Variants in KCND2 observed in about 807,000 individuals in gnomAD.
The protein encoded by KCND2 is potassium voltage-gated channel subfamily D member 2.
KCND2 carries 16 observed loss-of-function variants against 54.4 expected under a neutral mutation model. The observed-to-expected ratio is 0.29, with a 90% CI of 0.20 to 0.45. KCND2 has a LOEUF of 0.45. Ranked by LOEUF, KCND2 falls within the 20% of genes least tolerant of loss-of-function variation. The pLI is 1.00. For missense variants in KCND2, 486 were observed against 824.2 expected (o/e 0.59, Z 5.02); for synonymous variants, 317 against 310.7 (o/e 1.02, Z -0.21).
At chr7:120,687,573 T>C (rs1792219492) in intron 1 of KCND2, among the ~76,000 whole-genome samples, 1 of 152,066 alleles carries the variant, frequency 6.6e-6, no homozygotes, top group African/African-American at 2.4e-5. Flanking sequence ...CCCAGCACTT[T>C]GGGAGGCTGA....
chr7:120,527,592 C>T (rs1562864365), intron 1 of KCND2, among the ~76,000 whole-genome samples: 1 of 151,984 alleles, frequency 6.6e-6, no homozygotes, highest in East Asian at 1.9e-4. Context: ...TCCTGCTGCT[C>T]GTTCATGATT....
intron 1 of KCND2, among the ~76,000 whole-genome samples, chr7:120,335,856 A>G (rs900368740): frequency 2.0e-5 from 3 of 152,208 alleles, no homozygotes; most frequent in South Asian, 4.1e-4. Context: ...GCCATTTACA[A>G]GTAAAACTTC....
intron 1 of KCND2, among the ~76,000 whole-genome samples, chr7:120,533,898 G>GTT (rs1791871702): frequency 1.3e-5 from 2 of 152,266 alleles, no homozygotes; most frequent in Non-Finnish European, 2.9e-5. Flanking sequence ...AGGATTGATA[G>GTT]TTATCCCATC....
intron 1 of KCND2, among the ~76,000 whole-genome samples, chr7:120,418,784 A>G (rs1214279493): frequency 6.6e-6 from 1 of 152,202 alleles, no homozygotes; most frequent in Non-Finnish European, 1.5e-5. Context: ...AATGCCATGT[A>G]GCCCTCATCC....
intron 1 of KCND2, among the ~76,000 whole-genome samples, chr7:120,339,823 G>T (rs993560137): frequency 1.3e-5 from 2 of 152,302 alleles, no homozygotes; most frequent in Non-Finnish European, 2.9e-5. Context: ...TGGCCTCAGT[G>T]AGAAAGTGGC....
At chr7:120,484,302 C>A (rs1001933875) in intron 1 of KCND2, among the ~76,000 whole-genome samples, 3 of 152,002 alleles carry the variant, frequency 2.0e-5, no homozygotes, top group African/African-American at 7.2e-5. Context: ...ACTACAGGTG[C>A]ATGACACTGT....
chr7:120,365,863 CAT>C lies in KCND2; in HGVS notation c.1115+90118_1115+90119del, dbSNP rs1196200232. Among the ~76,000 whole-genome samples, 4 of 151,898 alleles carry C rather than the reference CAT, an allele frequency of 2.6e-5. No homozygotes were observed. The East Asian group carries it at 7.8e-4, about 29-fold the overall frequency. ...ATGTTCAGGTAAGTAATTAAAACAA[CAT>C]AAATATAACTGAAAAATGTTGAAAC... On this transcript the variant is annotated intron_variant, in intron 1 of 5. Transcript: ENST00000331113.
chr7:120,317,908 A>G lies in KCND2; in HGVS notation c.1115+42161A>G, dbSNP rs756367253. ...AATTAGTTTTGTGAAAAACTTTAAG[A>G]TACACAATCTTCCTGCAGTCAGCCT... On this transcript the variant is annotated intron_variant, in intron 1 of 5. Coordinates refer to ENST00000331113, the MANE Select transcript of KCND2 (RefSeq NM_012281.3). 2.6e-5 allele frequency among the ~76,000 whole-genome samples: 4 copies of G among 152,292 alleles called. No individual in the cohort carries two copies. In the South Asian group the frequency reaches 8.3e-4, roughly 32 times the overall value.
At chr7:120,588,402 A>AGTGTGTGTGTGTGTGTGTGT (rs3993713) in intron 1 of KCND2, among the ~76,000 whole-genome samples, 95 of 141,402 alleles carry the variant, frequency 6.7e-4, no homozygotes, top group Middle Eastern at 3.5e-3. Flanking sequence ...GCAACTGTGC[A>AGTGTGTGTGTGTGTGTGTGT]GTGTGTGTGT....
chr7:120,453,481 C>T (rs1802147456), intron 1 of KCND2, among the ~76,000 whole-genome samples: 1 of 152,222 alleles, frequency 6.6e-6, no homozygotes, highest in South Asian at 2.1e-4. Context: ...CAATCCTGCA[C>T]TGCCACTGCC....
intron 1 of KCND2, among the ~76,000 whole-genome samples, chr7:120,473,310 A>G (rs1245393396): frequency 6.6e-6 from 1 of 152,232 alleles, no homozygotes; most frequent in African/African-American, 2.4e-5. Flanking sequence ...CACAGCGCTC[A>G]TCGTCACTCT....
intron 1 of KCND2, among the ~76,000 whole-genome samples, chr7:120,360,238 C>T (rs1800574155): frequency 6.6e-6 from 1 of 152,006 alleles, no homozygotes; most frequent in African/African-American, 2.4e-5. Flanking sequence ...ACCGAGTGCT[C>T]TTATAGGTTT....
intron 1 of KCND2, among the ~76,000 whole-genome samples, chr7:120,622,156 C>T (rs2116501920): frequency 6.6e-6 from 1 of 152,180 alleles, no homozygotes; most frequent in Admixed American, 6.5e-5. Context: ...TAGTCCTCTA[C>T]TTAGGCAAAT....
chr7:120,667,962 G>GA (rs1041354845), intron 1 of KCND2, among the ~76,000 whole-genome samples: 4 of 151,110 alleles, frequency 2.6e-5, no homozygotes, highest in Non-Finnish European at 3.0e-5. Context: ...CCAGAAGCCA[G>GA]AAAAAAAAGA....
chr7:120,341,986 C>T (rs1800246318), intron 1 of KCND2, among the ~76,000 whole-genome samples: 2 of 152,010 alleles, frequency 1.3e-5, no homozygotes, highest in African/African-American at 4.8e-5. Context: ...CAATGTGATC[C>T]CATCTCATGT....
chr7:120,658,972 A>G (rs538956488), intron 1 of KCND2, among the ~76,000 whole-genome samples: 1 of 152,340 alleles, frequency 6.6e-6, no homozygotes, highest in African/African-American at 2.4e-5. Context: ...CCTAGGAGAG[A>G]TAAAGTATAT....
chr7:120,327,134 G>A (rs1799989583), intron 1 of KCND2, among the ~76,000 whole-genome samples: 1 of 152,042 alleles, frequency 6.6e-6, no homozygotes, highest in Admixed American at 6.6e-5. Context: ...ATCAACAAGA[G>A]AAAAGATTTT....
intron 1 of KCND2, among the ~76,000 whole-genome samples, chr7:120,680,719 G>A (rs1792128773): frequency 6.6e-6 from 1 of 152,044 alleles, no homozygotes; most frequent in African/African-American, 2.4e-5. Context: ...TAGTATATAA[G>A]CTCTTTGGGA....
intron 1 of KCND2, among the ~76,000 whole-genome samples, chr7:120,418,257 A>T (rs1386221013): frequency 6.6e-6 from 1 of 152,198 alleles, no homozygotes; most frequent in Non-Finnish European, 1.5e-5. Flanking sequence ...AGAAGGTTAT[A>T]TCCTCATTGT....
Sources: allele counts gnomAD v4.1 joint callset (sites outside exome capture counted in the v4.1 genomes callset), GRCh38; gene constraint gnomAD v4.1.1; transcripts MANE v1.5; gene names NCBI Gene and HGNC (gene_info 2026-07-23, HGNC 2026-07-21).